The following RHBDL1 variants were observed in gnomAD, a reference collection of about 807,000 sequenced individuals.
RHBDL1 encodes the protein rhomboid like 1, also known as rhomboid-related protein 1.
Under a neutral mutation model 34.0 loss-of-function variants are expected in RHBDL1, and 21 were observed. The ratio of observed to expected loss-of-function variants is 0.62; its 90% confidence interval spans 0.44 to 0.89. The LOEUF is 0.89. Ranked by LOEUF, RHBDL1 falls within the 40% of genes least tolerant of loss-of-function variation. The probability of loss-of-function intolerance (pLI) is 0.00; values close to 1 mark genes in which losing one functional copy is unlikely to be tolerated. For missense variants in RHBDL1, 450 were observed against 530.6 expected (o/e 0.85, Z 1.49); for synonymous variants, 268 against 234.8 (o/e 1.14, Z -1.29).
Position 677,909 on chromosome 16 carries a change from C to T in RHBDL1, c.979C>T (p.Leu327=). The part of the protein sequence containing the change: ...VVGVSMGLTI[L]RSYEERLRDQ... ...GGGGGTGAGCATGGGCCTGACCATC[C>T]TGCGGAGCTACGAGGAGCGCCTGCG... The change falls in exon 8 of 8, where the codon CTG becomes TTG. Residue 327 remains leucine (L), a synonymous_variant. Coordinates refer to ENST00000352681, the MANE Select transcript of RHBDL1 (RefSeq NM_001278720.2). 6.2e-7 allele frequency: 1 copy of T among 1,602,802 alleles called. No individual in the cohort carries two copies. Among genetic ancestry groups the T allele is most frequent in the East Asian group, 2.2e-5 (1 of 44,810 alleles).
At position 676,901 on chromosome 16, in the gene RHBDL1, GC is replaced by G. The variant is rs1258507722; in HGVS notation, c.426+11del. ...GCCTCGGTCACTCTTGCCCAGGTGGGCCCCCCGGCCGCTGCCCCGGGAGCCT... is the reference window on the plus strand; with the variant it reads ...GCCTCGGTCACTCTTGCCCAGGTGGGCCCCCGGCCGCTGCCCCGGGAGCCT... On this transcript the variant is annotated splice_donor_region_variant and intron_variant, in intron 3 of 7. Transcript: ENST00000352681. This position sits in a 1 kb window ranked among gnomAD's most constrained non-coding sequence, Gnocchi z 6.9. 1.2e-6 allele frequency: 2 copies of G among 1,611,330 alleles called. No individual in the cohort carries two copies. The highest frequency in any genetic ancestry group is 1.7e-6 in the Non-Finnish European group (2 of 1,179,258).
Position 677,684 on chromosome 16 carries a change from C to T in RHBDL1, c.835C>T (p.Leu279=). ...TCCCTACAAGTTGCTGAGGATGGTGCTGGCCTTGGTGTGCAGTGAGTAGGG... is the reference window on the plus strand; with the variant it reads ...TCCCTACAAGTTGCTGAGGATGGTGTTGGCCTTGGTGTGCAGTGAGTAGGG... ...RCPYKLLRMV[L]ALVCMSSEVG... is the part of the protein sequence containing the mutation. The change falls in exon 7 of 8, where the codon CTG becomes TTG. Residue 279 remains leucine (L), a synonymous_variant. Coordinates refer to ENST00000352681, the MANE Select transcript of RHBDL1 (RefSeq NM_001278720.2). 1 of 1,548,816 alleles carries T rather than the reference C, an allele frequency of 6.5e-7. No individual in the cohort carries two copies. Among genetic ancestry groups the T allele is most frequent in the South Asian group, 1.2e-5 (1 of 80,448 alleles).
rs778891835 is a variant in RHBDL1 at position 678,075 on chromosome 16, G to T, written c.*23G>T. ...TGACCGGCTACCTGAGGCTGCACAGGCCAGGGCTCGGGCATGTGGTGGCCG... is the reference window on the plus strand; with the variant it reads ...TGACCGGCTACCTGAGGCTGCACAGTCCAGGGCTCGGGCATGTGGTGGCCG... On this transcript the variant is annotated 3_prime_UTR_variant, in exon 8 of 8. Coordinates refer to ENST00000352681, the MANE Select transcript of RHBDL1 (RefSeq NM_001278720.2). The T allele has an allele frequency of 6.5e-7, 1 of 1,527,098 alleles. No homozygotes were observed. Among genetic ancestry groups the T allele is most frequent in the Admixed American group, 1.9e-5 (1 of 52,062 alleles). The allele number at this position is 1,527,098 out of a possible 1,614,324, so 94.6% of individuals were successfully genotyped here.
Position 676,565 on chromosome 16 carries a change from C to T in RHBDL1, c.201+68C>T. The stretch of plus-strand genomic sequence containing the variant: ...GCCAGAGGAGGCGGGCAGGCAGCTC[C>T]TCACGGCGGTGGGTGGGGGGCTTGT... On this transcript the variant is annotated intron_variant, in intron 2 of 7. Transcript: ENST00000352681. The surrounding 1 kb of genome is among the most constrained non-coding windows in gnomAD (Gnocchi z 6.9). 2 of 1,571,416 alleles carry T rather than the reference C, an allele frequency of 1.3e-6. No individual in the cohort carries two copies. Among genetic ancestry groups the T allele is most frequent in the Non-Finnish European group, 1.7e-6 (2 of 1,162,712 alleles).
At position 676,035 on chromosome 16, in the gene RHBDL1, A is replaced by G. The variant is rs868372955; in HGVS notation, c.39+206A>G. 4.1e-3 allele frequency: 1,782 copies of G among 435,000 alleles called. 13 individuals carry two copies. In the African/African-American group the frequency reaches 0.11, roughly 27 times the overall value. 26.9% of individuals were successfully genotyped at this position (435,000 alleles called of 1,614,324 possible). ...GGCTGGAGAAGGGAGAGTCGGGGGG[A>G]GGGAGGGAGGGAGGGAGGGAGGGCG... is the stretch of plus-strand genomic sequence containing the variant. On this transcript the variant is annotated intron_variant, in intron 1 of 7. Coordinates refer to ENST00000352681, the MANE Select transcript of RHBDL1 (RefSeq NM_001278720.2). The surrounding 1 kb of genome is among the most constrained non-coding windows in gnomAD (Gnocchi z 6.9).
chr16:675,956 C>G lies in RHBDL1; in HGVS notation c.39+127C>G, dbSNP rs965701474. 7 of 1,406,718 alleles carry G rather than the reference C, an allele frequency of 5.0e-6. No homozygotes were observed. The African/African-American group carries it at 8.7e-5, about 18-fold the overall frequency. The allele number at this position is 1,406,718 out of a possible 1,614,324, so 87.1% of individuals were successfully genotyped here. Reference sequence around the variant, plus strand: ...CGGTACCTACCTCATCCCTCCACGACCTTGGTCCGTGTGTCTGGGACCCCA... The same window carrying G: ...CGGTACCTACCTCATCCCTCCACGAGCTTGGTCCGTGTGTCTGGGACCCCA... On this transcript the variant is annotated intron_variant, in intron 1 of 7. Coordinates refer to ENST00000352681, the MANE Select transcript of RHBDL1 (RefSeq NM_001278720.2).
chr16:677,967 C>T lies in RHBDL1; in HGVS notation c.1037C>T (p.Ala346Val). Residue 346 changes from alanine to valine, a missense_variant, in exon 8 of 8, where the codon GCC becomes GTC. Transcript: ENST00000352681. ...DQCGWWVVLLAYGTFLLFAVF... is the reference protein window; with the variant it reads ...DQCGWWVVLLVYGTFLLFAVF... ...TGCGGCTGGTGGGTGGTGCTGCTGG[C>T]CTACGGCACCTTCCTGCTCTTCGCC... 6.2e-7 allele frequency: 1 copy of T among 1,602,486 alleles called. No individual in the cohort carries two copies. Among genetic ancestry groups the T allele is most frequent in the Non-Finnish European group, 8.5e-7 (1 of 1,179,416 alleles).
chr16:677,704 G>A lies in RHBDL1; in HGVS notation c.850+5G>A, dbSNP rs1343688279. 1 of 1,533,486 alleles carries A rather than the reference G, an allele frequency of 6.5e-7. No individual in the cohort carries two copies. Among genetic ancestry groups the A allele is most frequent in the Non-Finnish European group, 8.8e-7 (1 of 1,140,468 alleles). 95.0% of individuals were successfully genotyped at this position (1,533,486 alleles called of 1,614,324 possible). On this transcript the variant is annotated splice_donor_5th_base_variant and intron_variant, in intron 7 of 7. Coordinates refer to ENST00000352681, the MANE Select transcript of RHBDL1 (RefSeq NM_001278720.2). ...TGGTGCTGGCCTTGGTGTGCAGTGA[G>A]TAGGGGCCGGGGGGAGGGCCGGGGG...
In RHBDL1 at chr16:676,426, C is replaced by G. The variant is rs754342602; in HGVS notation, c.130C>G (p.Leu44Val). Reference protein sequence around the residue: ...SHELPLDPAKLDMLVALAQSN... With the variant: ...SHELPLDPAKVDMLVALAQSN... ...TGAGCTGCCCCTGGACCCGGCCAAG[C>G]TGGACATGCTGGTGGCCCTGGCTCA... Residue 44 changes from leucine to valine, a missense_variant, in exon 2 of 8, where the codon CTG becomes GTG. Coordinates refer to ENST00000352681, the MANE Select transcript of RHBDL1 (RefSeq NM_001278720.2). This position sits in a 1 kb window ranked among gnomAD's most constrained non-coding sequence, Gnocchi z 6.9. 6.2e-7 allele frequency: 1 copy of G among 1,606,470 alleles called. No homozygotes were observed. The highest frequency in any genetic ancestry group is 8.5e-7 in the Non-Finnish European group (1 of 1,178,218).
In RHBDL1 at chr16:677,073, C is replaced by T. The variant is rs1038599770; in HGVS notation, c.529C>T (p.Arg177Cys). ...KSPLVYHPGH[R>C]ARAWRFLTYM... ...CCCCCTTGTGTACCACCCCGGGCAC[C>T]GTGCCCGCGCCTGGCGCTTCCTCAC... is the stretch of plus-strand genomic sequence containing the variant. The change falls in exon 4 of 8, where the codon CGT becomes TGT. Residue 177 changes from arginine (R) to cysteine (C), a missense_variant. By Grantham distance (180) the Arg-to-Cys change is radical (BLOSUM62 -3). Coordinates refer to ENST00000352681, the MANE Select transcript of RHBDL1 (RefSeq NM_001278720.2). 6 of 1,612,826 alleles carry T rather than the reference C, an allele frequency of 3.7e-6. No homozygotes were observed. Among genetic ancestry groups the T allele is most frequent in the Admixed American group, 1.7e-5 (1 of 60,010 alleles).
chr16:677,159 G>A (rs757815462), intron 4 of RHBDL1, 40 bp downstream of exon 4: 1 of 1,583,188 alleles, frequency 6.3e-7, no homozygotes, highest in South Asian at 1.1e-5. Context: ...GCCCCAACCT[G>A]CCATTACATC....
chr16:676,745 C>T lies in RHBDL1; in HGVS notation c.275C>T (p.Pro92Leu), dbSNP rs560884304. Residue 92 changes from proline to leucine, a missense_variant, in exon 3 of 8, where the codon CCG (proline) becomes CTG (leucine). By Grantham distance (98) the Pro-to-Leu change is moderately conservative. Transcript: ENST00000352681. The surrounding 1 kb of genome is among the most constrained non-coding windows in gnomAD (Gnocchi z 6.9). ...CAGCGGGCACTGCCCCGGGACGGGC[C>T]GCTGGATGAGCCAGGCCTAGGTGTC... ...NGQRALPRDG[P>L]LDEPGLGVYK... 2.3e-5 allele frequency: 37 copies of T among 1,612,030 alleles called. No individual in the cohort carries two copies. In the Middle Eastern group the frequency reaches 4.9e-4, roughly 22 times the overall value.
Position 676,864 on chromosome 16 carries a change from C to T in RHBDL1, c.394C>T (p.Pro132Ser), listed in dbSNP as rs376618315. The change falls in exon 3 of 8, where the codon CCC becomes TCC. Residue 132 changes from proline (P) to serine (S), a missense_variant. Coordinates refer to ENST00000352681, the MANE Select transcript of RHBDL1 (RefSeq NM_001278720.2). The surrounding 1 kb of genome is among the most constrained non-coding windows in gnomAD (Gnocchi z 6.9). ...YFYRHRSCPP[P>S]VFMASVTLAQ... Reference sequence around the variant, plus strand: ...CTACCGTCACCGCAGCTGCCCACCCCCCGTGTTCATGGCCTCGGTCACTCT... The same window carrying T: ...CTACCGTCACCGCAGCTGCCCACCCTCCGTGTTCATGGCCTCGGTCACTCT... 10 of 1,612,160 alleles carry T rather than the reference C, an allele frequency of 6.2e-6. No individual in the cohort carries two copies. The highest frequency in any genetic ancestry group is 1.7e-6 in the Non-Finnish European group (2 of 1,179,786).
chr16:677,689 C>T lies in RHBDL1; in HGVS notation c.840C>T (p.Ala280=), dbSNP rs1453287053. Residue 280 remains alanine (A), a synonymous_variant, in exon 7 of 8, where the codon GCC becomes GCT. Transcript: ENST00000352681. ...CPYKLLRMVL[A]LVCMSSEVGR... ...ACAAGTTGCTGAGGATGGTGCTGGC[C>T]TTGGTGTGCAGTGAGTAGGGGCCGG... 1.3e-6 allele frequency: 2 copies of T among 1,545,042 alleles called. No individual in the cohort carries two copies. Among genetic ancestry groups the T allele is most frequent in the Non-Finnish European group, 1.7e-6 (2 of 1,144,486 alleles).
At position 676,660 on chromosome 16, in the gene RHBDL1, C is replaced by T. The variant is rs767108355; in HGVS notation, c.202-12C>T. ...GGAGGTCCGTGGCCCACACTCAGGC[C>T]CCTGCCCCCAGATCAGCAGCAAGCG... is the stretch of plus-strand genomic sequence containing the variant. On this transcript the variant is annotated splice_polypyrimidine_tract_variant and intron_variant, in intron 2 of 7. Coordinates refer to ENST00000352681, the MANE Select transcript of RHBDL1 (RefSeq NM_001278720.2). The surrounding 1 kb of genome is among the most constrained non-coding windows in gnomAD (Gnocchi z 6.9). The T allele has an allele frequency of 6.2e-7, 1 of 1,609,772 alleles. No individual in the cohort carries two copies. The highest frequency in any genetic ancestry group is 8.5e-7 in the Non-Finnish European group (1 of 1,179,240).
rs2039530030 is a variant in RHBDL1, at chr16:676,028, C to CGGGGGGAGGGAG, written c.39+202_39+213dup. On this transcript the variant is annotated intron_variant, in intron 1 of 7. Transcript: ENST00000352681. This position sits in a 1 kb window ranked among gnomAD's most constrained non-coding sequence, Gnocchi z 6.9. ...AGCTCCTGGCTGGAGAAGGGAGAGT[C>CGGGGGGAGGGAG]GGGGGGAGGGAGGGAGGGAGGGAGG... The CGGGGGGAGGGAG allele has an allele frequency of 3.1e-6, 2 of 650,668 alleles. No individual in the cohort carries two copies. Among genetic ancestry groups the CGGGGGGAGGGAG allele is most frequent in the Non-Finnish European group, 3.9e-6 (2 of 514,080 alleles). The allele number at this position is 650,668 out of a possible 1,614,324, so 40.3% of individuals were successfully genotyped here.
In RHBDL1 at chr16:677,878, G is replaced by C; in HGVS notation, c.948G>C (p.Ala316=). The C allele has an allele frequency of 6.3e-7, 1 of 1,598,134 alleles. No individual in the cohort carries two copies. The highest frequency in any genetic ancestry group is 8.5e-7 in the Non-Finnish European group (1 of 1,177,656). ...QPSFMAHLAG[A]VVGVSMGLTI... is the part of the protein sequence containing the mutation. ...GCTTCATGGCGCACCTGGCAGGCGC[G>C]GTGGTGGGGGTGAGCATGGGCCTGA... The change falls in exon 8 of 8, where the codon GCG becomes GCC. Residue 316 remains alanine (A), a synonymous_variant. Coordinates refer to ENST00000352681, the MANE Select transcript of RHBDL1 (RefSeq NM_001278720.2).
chr16:675,958 T>C, intron 1 of RHBDL1, 129 bp downstream of exon 1: 1 of 1,400,798 alleles, frequency 7.1e-7, no homozygotes, highest in African/African-American at 1.5e-5. Flanking sequence ...CTCCACGACC[T>C]TGGTCCGTGT....
chr16:677,347 T>C lies in RHBDL1; in HGVS notation c.647T>C (p.Leu216Pro). The C allele has an allele frequency of 1.3e-6, 2 of 1,576,288 alleles. No homozygotes were observed. Among genetic ancestry groups the C allele is most frequent in the Non-Finnish European group, 1.7e-6 (2 of 1,161,682 alleles). ...GTGCCCCTGGAGATGGTGCACGGCC[T>C]GCTCCGCATCAGCCTGCTCTACCTG... Reference protein sequence around the residue: ...IGVPLEMVHGLLRISLLYLAG... With the variant: ...IGVPLEMVHGPLRISLLYLAG... Residue 216 changes from leucine to proline, a missense_variant, in exon 5 of 8, where the codon CTG becomes CCG. By Grantham distance (98) the Leu-to-Pro change is moderately conservative. Coordinates refer to ENST00000352681, the MANE Select transcript of RHBDL1 (RefSeq NM_001278720.2).
Sources: gnomAD v4.1 joint callset for allele counts on GRCh38, gnomAD v4.1.1 for gene constraint, Gnocchi (gnomAD v3.1) non-coding constraint, MANE v1.5 for transcripts, NCBI Gene and HGNC (gene_info 2026-07-23, HGNC 2026-07-21) for gene names.